The following AGMO variants were observed in gnomAD, a reference collection of about 807,000 sequenced individuals.
AGMO encodes glyceryl-ether monooxygenase.
A neutral mutation model predicts 60.2 loss-of-function variants in AGMO; 75 were observed. The ratio of observed to expected loss-of-function variants is 1.25; its 90% CI spans 1.03 to 1.51. The LOEUF (loss-of-function observed/expected upper bound fraction) is 1.51, where lower values mean the gene tolerates loss of function less well. Among genes scored for constraint, AGMO ranks in the 40% most tolerant of loss-of-function variants. The probability of loss-of-function intolerance (pLI) is 0.00; values close to 1 mark genes in which losing one functional copy is unlikely to be tolerated. For missense variants in AGMO, 763 were observed against 525.5 expected (o/e 1.45, Z -4.42); for synonymous variants, 261 against 177.1 (o/e 1.47, Z -3.76).
intron 6 of AGMO, among the ~76,000 whole-genome samples, chr7:15,392,520 G>A (rs1305608605): frequency 3.3e-5 from 5 of 152,014 alleles, no homozygotes; most frequent in African/African-American, 7.3e-5. Context: ...ATGCTTTTAG[G>A]CTGGGTGCAG....
intron 10 of AGMO, among the ~76,000 whole-genome samples, chr7:15,381,990 G>GT (rs1192853941): frequency 2.0e-5 from 3 of 151,944 alleles, no homozygotes; most frequent in African/African-American, 7.3e-5. Context: ...ACATGGACAC[G>GT]TAAGAGGAAC....
intron 3 of AGMO, among the ~76,000 whole-genome samples, chr7:15,536,125 T>C (rs1397948479): frequency 6.6e-6 from 1 of 151,916 alleles, no homozygotes; most frequent in East Asian, 1.9e-4. Flanking sequence ...TATCTGACAG[T>C]CACTCCCCTA....
chr7:15,553,865 C>T (rs1490470516), intron 2 of AGMO, among the ~76,000 whole-genome samples: 1 of 152,072 alleles, frequency 6.6e-6, no homozygotes, highest in Non-Finnish European at 1.5e-5. Context: ...CTGAAATATG[C>T]CTAACATACT....
At chr7:15,382,549 A>C (rs572172512) in intron 10 of AGMO, among the ~76,000 whole-genome samples, 1 of 152,186 alleles carries the variant, frequency 6.6e-6, no homozygotes, top group African/African-American at 2.4e-5. Flanking sequence ...AAATGAAATA[A>C]AATTAACAAG....
intron 12 of AGMO, among the ~76,000 whole-genome samples, chr7:15,254,276 G>C (rs560838268): frequency 1.3e-5 from 2 of 152,218 alleles, no homozygotes; most frequent in African/African-American, 2.4e-5. Context: ...TGGATCATAT[G>C]TTAGCTCTGT....
At chr7:15,265,592 C>T (rs879601395) in intron 12 of AGMO, among the ~76,000 whole-genome samples, 1 of 151,562 alleles carries the variant, frequency 6.6e-6, no homozygotes, top group Admixed American at 6.6e-5. Flanking sequence ...TATCTCACAC[C>T]CATTAGGCTG....
intron 5 of AGMO, among the ~76,000 whole-genome samples, chr7:15,418,300 TG>T (rs1252569960): frequency 2.6e-5 from 4 of 152,100 alleles, no homozygotes; most frequent in African/African-American, 9.6e-5. Flanking sequence ...GATATTGTAT[TG>T]AATATAGTAT....
intron 4 of AGMO, among the ~76,000 whole-genome samples, chr7:15,426,252 T>C (rs537662083): frequency 1.2e-3 from 182 of 152,338 alleles, no homozygotes; most frequent in South Asian, 2.9e-3. Flanking sequence ...ACTTTCTATT[T>C]CATTCATTTA....
chr7:15,484,207 T>C (rs1782849194), intron 3 of AGMO, among the ~76,000 whole-genome samples: 1 of 152,120 alleles, frequency 6.6e-6, no homozygotes, highest in Non-Finnish European at 1.5e-5. Context: ...TTAATACATA[T>C]GAAATGTTGA....
At chr7:15,385,379 C>A in intron 10 of AGMO, 67 bp downstream of exon 10, 5 of 1,100,252 alleles carry the variant, frequency 4.5e-6, no homozygotes, top group Non-Finnish European at 6.8e-6. Flanking sequence ...ATATGGGGAG[C>A]TTATTTTCAT....
At chr7:15,375,287 T>A (rs1783404514) in intron 10 of AGMO, among the ~76,000 whole-genome samples, 1 of 152,008 alleles carries the variant, frequency 6.6e-6, no homozygotes, top group African/African-American at 2.4e-5. Context: ...AACAAGTGGA[T>A]CTACAAACTA....
At chr7:15,481,356 C>T (rs1383186378) in intron 3 of AGMO, among the ~76,000 whole-genome samples, 1 of 152,004 alleles carries the variant, frequency 6.6e-6, no homozygotes, top group African/African-American at 2.4e-5. Flanking sequence ...AGTTACCAGG[C>T]AGTCCGTGAA....
the AGMO span, among the ~76,000 whole-genome samples, chr7:15,123,727 G>GA: frequency 5.7e-3 from 859 of 151,906 alleles, 6 homozygotes; most frequent in African/African-American, 0.02. Context: ...ATGCTTCACT[G>GA]AAAAAAGTGG....
intron 12 of AGMO, among the ~76,000 whole-genome samples, chr7:15,341,112 T>C (rs781155108): frequency 1.8e-4 from 27 of 152,298 alleles, no homozygotes; most frequent in Admixed American, 3.9e-4. Context: ...CTTTGACATG[T>C]CCTGGAGACA....
intron 10 of AGMO, among the ~76,000 whole-genome samples, chr7:15,379,312 A>G (rs1048300587): frequency 6.6e-6 from 1 of 152,106 alleles, no homozygotes; most frequent in African/African-American, 2.4e-5. Flanking sequence ...CATTGGAAAG[A>G]TCAACAAATC....
At chr7:15,267,831 A>G (rs1359388942) in intron 12 of AGMO, among the ~76,000 whole-genome samples, 1 of 152,040 alleles carries the variant, frequency 6.6e-6, no homozygotes, top group South Asian at 2.1e-4. Flanking sequence ...AAAGCAGAGT[A>G]TTTCAAGATA....
At chr7:15,152,375 T>C in the AGMO span, among the ~76,000 whole-genome samples, 1 of 152,094 alleles carries the variant, frequency 6.6e-6, no homozygotes, top group African/African-American at 2.4e-5. Flanking sequence ...TCAATAAGTT[T>C]TTGGGGAACA....
At chr7:15,264,313 G>C (rs1783369366) in intron 12 of AGMO, among the ~76,000 whole-genome samples, 1 of 151,636 alleles carries the variant, frequency 6.6e-6, no homozygotes. Flanking sequence ...TTTCCTTACA[G>C]TGAAATAATT....
chr7:15,439,029 A>C (rs1050585997), intron 3 of AGMO, among the ~76,000 whole-genome samples: 10 of 152,206 alleles, frequency 6.6e-5, no homozygotes, highest in Admixed American at 6.5e-5. Flanking sequence ...AAAAGTAACC[A>C]ACTAGCATAG....
Sources: allele counts gnomAD v4.1 joint callset (sites outside exome capture counted in the v4.1 genomes callset), GRCh38; gene constraint gnomAD v4.1.1; transcripts MANE v1.5; gene names NCBI Gene and HGNC (gene_info 2026-07-23, HGNC 2026-07-21).